Variants in ATP2B2 observed in about 807,000 individuals in gnomAD.
ATP2B2 encodes the protein plasma membrane calcium-transporting ATPase 2.
ATP2B2 carries 15 observed loss-of-function variants against 120.0 expected under a neutral mutation model. The ratio of observed to expected loss-of-function variants is 0.12; its 90% CI spans 0.08 to 0.19. ATP2B2 has a LOEUF of 0.19. ATP2B2 is among the 10% of genes least tolerant of loss of function. ATP2B2 has a pLI of 1.00. For missense variants in ATP2B2, 1,045 were observed against 1,719.8 expected, an observed-to-expected ratio of 0.61 and a Z score of 6.94; for synonymous variants, 694 against 700.3, an observed-to-expected ratio of 0.99 and a Z score of 0.14.
At chr3:10,699,607 T>A (rs1275378374) in intron 1 of ATP2B2, among the ~76,000 whole-genome samples, 1 of 152,186 alleles carries the variant, frequency 6.6e-6, no homozygotes, top group Non-Finnish European at 1.5e-5. Flanking sequence ...ATATAACATC[T>A]CTATAATTGG....
intron 1 of ATP2B2, among the ~76,000 whole-genome samples, chr3:10,674,955 T>A (rs1054320498): frequency 3.9e-5 from 6 of 152,234 alleles, no homozygotes; most frequent in Admixed American, 6.5e-5. Context: ...AGCTACCGTA[T>A]CTCTTTATTT....
intron 3 of ATP2B2, among the ~76,000 whole-genome samples, chr3:10,409,607 G>T (rs1054756490): frequency 6.6e-6 from 1 of 152,146 alleles, no homozygotes; most frequent in African/African-American, 2.4e-5. Context: ...TATGGGAAGA[G>T]GTCATGTAAG....
intron 1 of ATP2B2, among the ~76,000 whole-genome samples, chr3:10,456,736 G>A (rs1450956439): frequency 6.6e-6 from 1 of 152,198 alleles, no homozygotes; most frequent in Non-Finnish European, 1.5e-5. Flanking sequence ...CAGCTTGTTG[G>A]CACAGCAAAC....
chr3:10,675,298 T>G (rs2071212674), intron 1 of ATP2B2, among the ~76,000 whole-genome samples: 1 of 152,214 alleles, frequency 6.6e-6, no homozygotes, highest in Non-Finnish European at 1.5e-5. Flanking sequence ...TCATCTCAGA[T>G]TAGTTTTGCC....
intron 1 of ATP2B2, among the ~76,000 whole-genome samples, chr3:10,654,486 A>G (rs2070557890): frequency 6.6e-6 from 1 of 152,156 alleles, no homozygotes; most frequent in Non-Finnish European, 1.5e-5. Flanking sequence ...AGACGAGCGA[A>G]GTGGAGGAGA....
chr3:10,675,208 AC>A (rs2071211068), intron 1 of ATP2B2, among the ~76,000 whole-genome samples: 2 of 152,214 alleles, frequency 1.3e-5, no homozygotes, highest in African/African-American at 4.8e-5. Context: ...AACTGAGCAC[AC>A]CTATGTGTCC....
At position 10,347,863 on chromosome 3, in the gene ATP2B2, C is replaced by A. The variant is rs2060472874; in HGVS notation, c.2405-1726G>T. 6.6e-6 allele frequency among the ~76,000 whole-genome samples: 1 copy of A among 152,192 alleles called. No homozygotes were observed. Among genetic ancestry groups the A allele is most frequent in the South Asian group, 2.1e-4 (1 of 4,838 alleles). On this transcript the variant is annotated intron_variant, in intron 16 of 22. Coordinates refer to ENST00000360273, the MANE Select transcript of ATP2B2 (RefSeq NM_001001331.4). This position sits in a 1 kb window ranked among gnomAD's most constrained non-coding sequence, Gnocchi z 5.2. ...GCAGTCACCAGGGGCCTCCCTGTGG[C>A]TGCTTCCTATGGTCACATTTCTGTT...
intron 2 of ATP2B2, among the ~76,000 whole-genome samples, chr3:10,581,268 G>T (rs1467197402): frequency 6.6e-6 from 1 of 152,224 alleles, no homozygotes; most frequent in Non-Finnish European, 1.5e-5. Flanking sequence ...GAGAAGAGAA[G>T]TTCTGAAGAT....
chr3:10,552,227 G>A (rs1426890530), intron 2 of ATP2B2, among the ~76,000 whole-genome samples: 2 of 152,192 alleles, frequency 1.3e-5, no homozygotes, highest in African/African-American at 4.8e-5. Context: ...GCATCACCAT[G>A]GCATCTGACA....
rs2125521279 is a variant in ATP2B2 at position 10,375,541 on chromosome 3, G to A, written c.1305C>T (p.Val435=). ...KKPWLPECTP[V]YVQYFVKFFI... ...AGAACTTGACAAAGTACTGCACGTA[G>A]ACGGGCGTGCACTCAGGCAGCCACG... Residue 435 remains valine, a synonymous_variant, in exon 11 of 23, where the codon GTC becomes GTT. Transcript: ENST00000360273. This position sits in a 1 kb window ranked among gnomAD's most constrained non-coding sequence, Gnocchi z 4.2. 2.5e-6 allele frequency: 4 copies of A among 1,613,696 alleles called. No individual in the cohort carries two copies. Among genetic ancestry groups the A allele is most frequent in the Non-Finnish European group, 1.7e-6 (2 of 1,179,968 alleles).
chr3:10,344,012 C>T (rs1191710598), intron 18 of ATP2B2, among the ~76,000 whole-genome samples: 1 of 152,088 alleles, frequency 6.6e-6, no homozygotes, highest in African/African-American at 2.4e-5. Context: ...GCCCCATATA[C>T]CTGCATCCCT....
At chr3:10,535,385 A>ATGTGTG (rs34707434) in intron 2 of ATP2B2, among the ~76,000 whole-genome samples, 8,919 of 147,086 alleles carry the variant, frequency 0.061, 377 homozygotes, top group African/African-American at 0.11. Context: ...CAGCAGTTTG[A>ATGTGTG]TGTGTGTGTG....
chr3:10,479,369 C>T (rs1186784703), intron 1 of ATP2B2, among the ~76,000 whole-genome samples: 1 of 151,712 alleles, frequency 6.6e-6, no homozygotes, highest in East Asian at 2.0e-4. Flanking sequence ...GTTCCTTCTG[C>T]CTAGAATGCT....
At chr3:10,443,464 CG>C (rs1159474963) in intron 2 of ATP2B2, among the ~76,000 whole-genome samples, 3 of 152,134 alleles carry the variant, frequency 2.0e-5, no homozygotes, top group Non-Finnish European at 4.4e-5. Context: ...CCAGTGAGAG[CG>C]TAGTCTGGGA....
intron 3 of ATP2B2, among the ~76,000 whole-genome samples, chr3:10,518,330 G>GC (rs138051290): frequency 1.3e-5 from 2 of 152,148 alleles, no homozygotes; most frequent in Non-Finnish European, 2.9e-5. Flanking sequence ...GGATGTGCTT[G>GC]CCCCCCTCCA....
chr3:10,529,737 G>A (rs555858803), intron 3 of ATP2B2, among the ~76,000 whole-genome samples: 4 of 152,210 alleles, frequency 2.6e-5, no homozygotes, highest in Non-Finnish European at 4.4e-5. Context: ...ACAGATGGGC[G>A]TTGACAGAGG....
intron 2 of ATP2B2, among the ~76,000 whole-genome samples, chr3:10,418,709 T>C: frequency 6.6e-6 from 1 of 152,218 alleles, no homozygotes. Flanking sequence ...TCAGGGGCAC[T>C]GTCTGGCTGA....
chr3:10,616,710 G>C (rs1289232195), intron 2 of ATP2B2, among the ~76,000 whole-genome samples: 2 of 151,940 alleles, frequency 1.3e-5, no homozygotes, highest in Non-Finnish European at 2.9e-5. Context: ...TCATTGGTGG[G>C]GGCAGAGGAT....
intron 5 of ATP2B2, among the ~76,000 whole-genome samples, chr3:10,392,153 T>A (rs998110351): frequency 2.6e-5 from 4 of 152,120 alleles, no homozygotes; most frequent in Non-Finnish European, 4.4e-5. Context: ...AGTGTCTGAG[T>A]GGGAGTGTCC....
Sources: allele counts gnomAD v4.1 joint callset (sites outside exome capture counted in the v4.1 genomes callset), GRCh38; gene constraint gnomAD v4.1.1; non-coding constraint Gnocchi (gnomAD v3.1); transcripts MANE v1.5; gene names NCBI Gene and HGNC (gene_info 2026-07-23, HGNC 2026-07-21).